LAMA2: variants seen among roughly 807,000 people sequenced by gnomAD.
LAMA2 encodes laminin subunit alpha 2, also known as laminin subunit alpha-2.
A neutral mutation model predicts 364.8 loss-of-function variants in LAMA2; 269 were observed. The observed-to-expected ratio is 0.74, with a 90% CI of 0.67 to 0.82. The LOEUF (loss-of-function observed/expected upper bound fraction) is 0.82, where lower values mean the gene tolerates loss of function less well. Ranked by LOEUF, LAMA2 falls within the 40% of genes least tolerant of loss-of-function variation. The pLI, the probability that LAMA2 is intolerant of heterozygous loss-of-function variation, is 0.00. For missense variants in LAMA2, 3,807 were observed against 3,873.2 expected, an observed-to-expected ratio of 0.98 and a Z score of 0.45; for synonymous variants, 1,379 against 1,370.6, an observed-to-expected ratio of 1.01 and a Z score of -0.14.
chr6:129,208,869 G>C (rs1782899554), intron 12 of LAMA2, among the ~76,000 whole-genome samples: 2 of 152,118 alleles, frequency 1.3e-5, no homozygotes, highest in South Asian at 4.1e-4. Context: ...AATTTTTAGG[G>C]TATTTTGATA....
intron 63 of LAMA2, among the ~76,000 whole-genome samples, chr6:129,513,767 G>A (rs1786796583): frequency 1.3e-5 from 2 of 152,120 alleles, no homozygotes; most frequent in Admixed American, 1.3e-4. Flanking sequence ...TCTAGTCTAA[G>A]TTCTTCATTG....
At chr6:129,397,255 T>G (rs1317091774) in intron 37 of LAMA2, among the ~76,000 whole-genome samples, 1 of 152,196 alleles carries the variant, frequency 6.6e-6, no homozygotes, top group Non-Finnish European at 1.5e-5. Context: ...ATTCTCCCTA[T>G]ACATAGGCCT....
At chr6:128,959,789 T>C (rs534979012) in intron 1 of LAMA2, among the ~76,000 whole-genome samples, 3 of 152,278 alleles carry the variant, frequency 2.0e-5, no homozygotes, top group South Asian at 2.1e-4. Flanking sequence ...AGTTTACTTA[T>C]GTATTAGGTA....
In LAMA2 at chr6:129,238,607, G is replaced by A. The variant is rs558201891; in HGVS notation, c.1783-11505G>A. On this transcript the variant is annotated intron_variant, in intron 12 of 64. Transcript: ENST00000421865. ...AGAGAGAGAGAGAGAGAGAGAGAAA[G>A]CCCAAGAGTGAGAGTTTGTCTTGAG... Among the ~76,000 whole-genome samples the A allele has an allele frequency of 8.2e-3, 1,248 of 151,626 alleles. 14 individuals are homozygous for A. Among genetic ancestry groups the A allele is most frequent in the Middle Eastern group, 0.034 (10 of 294 alleles).
chr6:129,022,171 C>A lies in LAMA2; in HGVS notation c.113-27747C>A, dbSNP rs962966751. On this transcript the variant is annotated intron_variant, in intron 1 of 64. Transcript: ENST00000421865. ...GTTTGCCTTGGATATTTGCTTGCTTCTTTTTTGTTGATTTTTAGCATATAA... is the reference window on the plus strand; with the variant it reads ...GTTTGCCTTGGATATTTGCTTGCTTATTTTTTGTTGATTTTTAGCATATAA... Among the ~76,000 whole-genome samples the A allele has an allele frequency of 2.6e-5, 4 of 152,270 alleles. No individual in the cohort carries two copies. In the East Asian group the frequency reaches 7.7e-4, roughly 29 times the overall value.
At chr6:129,391,712 A>G in intron 36 of LAMA2, 59 bp downstream of exon 36, 2 of 1,495,640 alleles carry the variant, frequency 1.3e-6, no homozygotes, top group Non-Finnish European at 9.3e-7. Context: ...GATAATTTAC[A>G]GTTTTCTAAA....
At position 129,261,267 on chromosome 6, in the gene LAMA2, G is replaced by A. The variant is rs144102353; in HGVS notation, c.2208+445G>A. Among the ~76,000 whole-genome samples, 517 of 151,506 alleles carry A rather than the reference G, an allele frequency of 3.4e-3. 4 individuals are homozygous for A. Among genetic ancestry groups the A allele is most frequent in the African/African-American group, 0.012 (501 of 41,258 alleles). On this transcript the variant is annotated intron_variant, in intron 15 of 64. Coordinates refer to ENST00000421865, the MANE Select transcript of LAMA2 (RefSeq NM_000426.4). The stretch of plus-strand genomic sequence containing the variant: ...GAATACAACCAAATCACAATCATCT[G>A]AAGCATATAATCTTCAGAATGTCAA...
intron 23 of LAMA2, among the ~76,000 whole-genome samples, chr6:129,314,377 C>A (rs979609100): frequency 9.5e-6 from 1 of 105,186 alleles, no homozygotes; most frequent in African/African-American, 4.2e-5. Context: ...CTGGCCTGGG[C>A]GAAAGAGCGA....
At chr6:129,237,286 C>T (rs1785057438) in intron 12 of LAMA2, among the ~76,000 whole-genome samples, 1 of 152,092 alleles carries the variant, frequency 6.6e-6, no homozygotes, top group Non-Finnish European at 1.5e-5. Context: ...GACGTACGGA[C>T]ATTTTCAATA....
intron 12 of LAMA2, among the ~76,000 whole-genome samples, chr6:129,221,085 C>T (rs1322004484): frequency 6.6e-6 from 1 of 151,106 alleles, no homozygotes; most frequent in East Asian, 1.9e-4. Flanking sequence ...TCGCTTGAAC[C>T]TGGGAGACAA....
At chr6:129,069,001 A>T (rs1023845579) in intron 3 of LAMA2, among the ~76,000 whole-genome samples, 10 of 152,304 alleles carry the variant, frequency 6.6e-5, no homozygotes, top group African/African-American at 2.4e-4. Context: ...TAGCAATACC[A>T]TGAAAATGTA....
At chr6:129,482,322 A>G (rs1379566646) in intron 55 of LAMA2, among the ~76,000 whole-genome samples, 1 of 152,170 alleles carries the variant, frequency 6.6e-6, no homozygotes, top group Non-Finnish European at 1.5e-5. Flanking sequence ...TTTAGTATCT[A>G]TATCCCCTGT....
intron 1 of LAMA2, among the ~76,000 whole-genome samples, chr6:128,916,441 C>T (rs1778320355): frequency 6.6e-6 from 1 of 152,122 alleles, no homozygotes; most frequent in Admixed American, 6.6e-5. Flanking sequence ...AATCACTGAG[C>T]TTCTGTTACA....
intron 34 of LAMA2, among the ~76,000 whole-genome samples, chr6:129,380,920 C>A (rs1778648020): frequency 6.6e-6 from 1 of 152,126 alleles, no homozygotes; most frequent in African/African-American, 2.4e-5. Flanking sequence ...ACCTGTACAA[C>A]AGATCATAAG....
intron 1 of LAMA2, among the ~76,000 whole-genome samples, chr6:128,990,251 T>C (rs1048146149): frequency 3.3e-5 from 5 of 152,196 alleles, no homozygotes; most frequent in Non-Finnish European, 7.3e-5. Flanking sequence ...TATTACTCTC[T>C]TTTGTATTTA....
In LAMA2 at chr6:129,351,524, A is replaced by G. The variant is rs551726165; in HGVS notation, c.4524-1640A>G. Among the ~76,000 whole-genome samples, 5 of 152,334 alleles carry G rather than the reference A, an allele frequency of 3.3e-5. No homozygotes were observed. In the East Asian group the frequency reaches 7.7e-4, roughly 24 times the overall value. ...CTCTGAAAAATTGCTTTATTCAGCTATATTAAACCAAAGTTCTTGGTTAAA... is the reference window on the plus strand; with the variant it reads ...CTCTGAAAAATTGCTTTATTCAGCTGTATTAAACCAAAGTTCTTGGTTAAA... On this transcript the variant is annotated intron_variant, in intron 31 of 64. Coordinates refer to ENST00000421865, the MANE Select transcript of LAMA2 (RefSeq NM_000426.4).
intron 4 of LAMA2, among the ~76,000 whole-genome samples, chr6:129,101,879 A>G (rs1287182622): frequency 2.6e-5 from 4 of 152,154 alleles, no homozygotes; most frequent in African/African-American, 4.8e-5. Context: ...CCTCTGCTCT[A>G]TGATTCTAAT....
intron 32 of LAMA2, among the ~76,000 whole-genome samples, chr6:129,356,983 A>T (rs1388609501): frequency 6.6e-6 from 1 of 152,046 alleles, no homozygotes; most frequent in Non-Finnish European, 1.5e-5. Context: ...ATTATTTGGG[A>T]CAGCTTTACA....
At chr6:128,916,221 CAAAAA>C (rs1459475917) in intron 1 of LAMA2, among the ~76,000 whole-genome samples, 3 of 151,082 alleles carry the variant, frequency 2.0e-5, no homozygotes, top group Non-Finnish European at 4.4e-5. Flanking sequence ...ACAAAAAAAA[CAAAAA>C]CAAAAACAAA....
Sources: allele counts gnomAD v4.1 joint callset (sites outside exome capture counted in the v4.1 genomes callset), GRCh38; gene constraint gnomAD v4.1.1; transcripts MANE v1.5; gene names NCBI Gene and HGNC (gene_info 2026-07-23, HGNC 2026-07-21).